TP53AIP1: variants seen among roughly 807,000 people sequenced by gnomAD.
TP53AIP1 encodes the protein p53-regulated apoptosis-inducing protein 1.
Under a neutral mutation model 9.5 loss-of-function variants are expected in TP53AIP1, and 14 were observed. The ratio of observed to expected loss-of-function variants is 1.47; its 90% CI spans 0.97 to 2.30. TP53AIP1 has a LOEUF of 2.30. Among genes scored for constraint, TP53AIP1 ranks in the 30% most tolerant of loss-of-function variants. The pLI is 0.00. For missense variants in TP53AIP1, 153 were observed against 146.7 expected (o/e 1.04, Z -0.22); for synonymous variants, 73 against 61.2 (o/e 1.19, Z -0.90).
rs148410931 is a variant in TP53AIP1, at chr11:128,937,710, T to C, written c.109A>G (p.Asn37Asp). Reference sequence around the variant, plus strand: ...GGTGTGTGTGTCTGAGCCCTGCCATTCGGAGGCATCACCGAGAGGTTCTGG... The same window carrying C: ...GGTGTGTGTGTCTGAGCCCTGCCATCCGGAGGCATCACCGAGAGGTTCTGG... ...GDQNLSVMPPNGRAQTHTPGW... is the reference protein window; with the variant it reads ...GDQNLSVMPPDGRAQTHTPGW... Residue 37 changes from asparagine (N) to aspartate (D), a missense_variant, in exon 2 of 4, where the codon AAT becomes GAT. By Grantham distance (23) the Asn-to-Asp change is conservative (BLOSUM62 1). Transcript: ENST00000531399. This position sits in a 1 kb window ranked among gnomAD's most constrained non-coding sequence, Gnocchi z 4.8. The C allele has an allele frequency of 1.2e-6, 2 of 1,613,940 alleles. No individual in the cohort carries two copies. The highest frequency in any genetic ancestry group is 2.7e-5 in the African/African-American group (2 of 74,896).
chr11:128,942,272 A>G (rs1026700281), intron 1 of TP53AIP1, among the ~76,000 whole-genome samples: 1 of 152,128 alleles, frequency 6.6e-6, no homozygotes, highest in African/African-American at 2.4e-5. Context: ...GATCCATTCA[A>G]AGTGAAGTGG....
At chr11:128,935,307 G>A (rs1161739494), downstream of TP53AIP1, 6 of 1,418,300 alleles carry the variant, frequency 4.2e-6, no homozygotes, top group Non-Finnish European at 5.5e-6. Context: ...GTTTTGTGGA[G>A]ATGCATCGTT....
Position 128,937,830 on chromosome 11 carries a change from CCTGT to C in TP53AIP1, c.-16_-13del. 1 of 1,597,412 alleles carries C rather than the reference CCTGT, an allele frequency of 6.3e-7. No individual in the cohort carries two copies. The highest frequency in any genetic ancestry group is 1.1e-5 in the South Asian group (1 of 89,846). On this transcript the variant is annotated 5_prime_UTR_variant, in exon 2 of 4. Coordinates refer to ENST00000531399, the MANE Select transcript of TP53AIP1 (RefSeq NM_022112.3). This position sits in a 1 kb window ranked among gnomAD's most constrained non-coding sequence, Gnocchi z 4.8. ...GAGGAAGATCCCATCCAGGGGAGGCCCTGTCTGCAGAAAGCAGAGAACTTGGCTT... is the reference window on the plus strand; with the variant it reads ...GAGGAAGATCCCATCCAGGGGAGGCCCTGCAGAAAGCAGAGAACTTGGCTT...
In TP53AIP1 at chr11:128,937,729, G is replaced by C. The variant is rs367595853; in HGVS notation, c.90C>G (p.Asn30Lys). 1.1e-5 allele frequency: 17 copies of C among 1,614,176 alleles called. No homozygotes were observed. Among genetic ancestry groups the C allele is most frequent in the Non-Finnish European group, 1.4e-5 (17 of 1,180,034 alleles). Residue 30 changes from asparagine (N) to lysine (K), a missense_variant, in exon 2 of 4, where the codon AAC (asparagine) becomes AAG (lysine). Physicochemically the swap from Asn to Lys is moderately conservative, Grantham distance 94. Coordinates refer to ENST00000531399, the MANE Select transcript of TP53AIP1 (RefSeq NM_022112.3). The surrounding 1 kb of genome is among the most constrained non-coding windows in gnomAD (Gnocchi z 4.8). ...RRQGLGRGDQ[N>K]LSVMPPNGRA... ...TGCCATTCGGAGGCATCACCGAGAG[G>C]TTCTGGTCTCCCCTGCCCAGGCCCT...
chr11:128,940,321 G>A (rs1944916742), intron 1 of TP53AIP1, among the ~76,000 whole-genome samples: 1 of 152,232 alleles, frequency 6.6e-6, no homozygotes. Context: ...GCAGACATGA[G>A]CACACTTGTC....
intron 1 of TP53AIP1, among the ~76,000 whole-genome samples, chr11:128,938,865 C>T (rs1307236384): frequency 1.3e-5 from 2 of 152,162 alleles, no homozygotes; most frequent in African/African-American, 2.4e-5. Context: ...CTCAGGGCAG[C>T]AGGGAGTGGG....
rs1565332373 is a variant in TP53AIP1, at chr11:128,940,448, G to T, written c.-77+2346C>A. 3.9e-5 allele frequency among the ~76,000 whole-genome samples: 6 copies of T among 152,358 alleles called. No homozygotes were observed. The South Asian group carries it at 1.2e-3, about 32-fold the overall frequency. ...GGGCCTTAAGAGGGGATTAGGCCAT[G>T]AATGGAATCAGGTGTCCTGATGTAG... On this transcript the variant is annotated intron_variant, in intron 1 of 3. Coordinates refer to ENST00000531399, the MANE Select transcript of TP53AIP1 (RefSeq NM_022112.3).
At chr11:128,936,288 C>T in intron 3 of TP53AIP1, 1 of 1,233,310 alleles carries the variant, frequency 8.1e-7, no homozygotes, top group Non-Finnish European at 1.0e-6. Flanking sequence ...CAGTGGGTGT[C>T]AATTAGCTTG....
intron 1 of TP53AIP1, among the ~76,000 whole-genome samples, chr11:128,942,337 C>T (rs892762755): frequency 1.3e-5 from 2 of 152,190 alleles, no homozygotes; most frequent in Non-Finnish European, 2.9e-5. Flanking sequence ...GCCACCATGC[C>T]GCCGTTCACC....
rs1944866300 is a variant in TP53AIP1 at position 128,937,954 on chromosome 11, T to C, written c.-76-60A>G. On this transcript the variant is annotated intron_variant, in intron 1 of 3. Coordinates refer to ENST00000531399, the MANE Select transcript of TP53AIP1 (RefSeq NM_022112.3). The surrounding 1 kb of genome is among the most constrained non-coding windows in gnomAD (Gnocchi z 4.8). ...AGTGGTGGCAGCGCTGGGCCAGCAATGATGATTTCTACTGTTAGGGTTTCA... is the reference window on the plus strand; with the variant it reads ...AGTGGTGGCAGCGCTGGGCCAGCAACGATGATTTCTACTGTTAGGGTTTCA... 11 of 945,764 alleles carry C rather than the reference T, an allele frequency of 1.2e-5. No homozygotes were observed. In the South Asian group the frequency reaches 1.8e-4, roughly 15 times the overall value. The allele number at this position is 945,764 out of a possible 1,614,324, so 58.6% of individuals were successfully genotyped here. A position where few individuals can be genotyped will look rare whatever the true frequency, so the allele number is the denominator to read the frequency against.
At position 128,936,065 on chromosome 11, in the gene TP53AIP1, C is replaced by T. The variant is rs1332382558; in HGVS notation, c.254-353G>A. ...TGTGAGATGGAAGCTATTATCATTC[C>T]ATTTTACAGACACCTACACTGAGAC... is the stretch of plus-strand genomic sequence containing the variant. On this transcript the variant is annotated intron_variant, in intron 3 of 3. Coordinates refer to ENST00000531399, the MANE Select transcript of TP53AIP1 (RefSeq NM_022112.3). The T allele has an allele frequency of 2.2e-5, 17 of 774,406 alleles. No individual in the cohort carries two copies. In the Admixed American group the frequency reaches 8.3e-4, roughly 38 times the overall value. The allele number at this position is 774,406 out of a possible 1,614,324, so 48.0% of individuals were successfully genotyped here.
chr11:128,934,883 T>A (rs764644980), downstream of TP53AIP1: 2 of 648,478 alleles, frequency 3.1e-6, no homozygotes, highest in Middle Eastern at 3.7e-4. Flanking sequence ...TCCTCGGAAG[T>A]GTCATGTAGA....
At chr11:128,938,589 CCAGTCTT>C (rs1441875509) in intron 1 of TP53AIP1, among the ~76,000 whole-genome samples, 1 of 152,188 alleles carries the variant, frequency 6.6e-6, no homozygotes, top group Non-Finnish European at 1.5e-5. Context: ...TCAGGACCAT[CCAGTCTT>C]CCCCGTCCCT....
chr11:128,936,124 C>T, intron 3 of TP53AIP1: 1 of 991,016 alleles, frequency 1.0e-6, no homozygotes. Flanking sequence ...CATGTACACA[C>T]AGCTCCTAAG....
chr11:128,940,508 C>T (rs1944920005), intron 1 of TP53AIP1, among the ~76,000 whole-genome samples: 2 of 152,190 alleles, frequency 1.3e-5, no homozygotes, highest in African/African-American at 4.8e-5. Context: ...ACTCGTTGCC[C>T]TTCCACCTTC....
chr11:128,935,516 T>TTG lies in TP53AIP1; in HGVS notation c.*73_*74dup, dbSNP rs562330779. The stretch of plus-strand genomic sequence containing the variant: ...GCCATTTCTCGACGGTGCTTTCTGT[T>TTG]TGTTTGTTTGTTTTTGTTTTGAGAT... On this transcript the variant is annotated 3_prime_UTR_variant, in exon 4 of 4. Transcript: ENST00000531399. 4.0e-6 allele frequency: 6 copies of TTG among 1,491,670 alleles called. No individual in the cohort carries two copies. The highest frequency in any genetic ancestry group is 4.5e-6 in the Non-Finnish European group (5 of 1,123,252). 92.4% of individuals were successfully genotyped at this position (1,491,670 alleles called of 1,614,324 possible).
At chr11:128,938,619 G>A (rs750082377) in intron 1 of TP53AIP1, among the ~76,000 whole-genome samples, 15 of 152,196 alleles carry the variant, frequency 9.9e-5, no homozygotes, top group Non-Finnish European at 2.2e-4. Flanking sequence ...TCTTTCTCTC[G>A]CAAGTCCCCG....
At position 128,939,134 on chromosome 11, in the gene TP53AIP1, A is replaced by T. The variant is rs982216631; in HGVS notation, c.-76-1240T>A. On this transcript the variant is annotated intron_variant, in intron 1 of 3. Transcript: ENST00000531399. The surrounding 1 kb of genome is among the most constrained non-coding windows in gnomAD (Gnocchi z 4.1). ...AGGCATTTACCCAATGCTGCACGTT[A>T]CGAAAATGTAAAAGAACGAACACGG... Among the ~76,000 whole-genome samples the T allele has an allele frequency of 1.3e-5, 2 of 152,218 alleles. No individual in the cohort carries two copies. Among genetic ancestry groups the T allele is most frequent in the African/African-American group, 4.8e-5 (2 of 41,452 alleles).
chr11:128,935,364 C>T (rs1425315882), downstream of TP53AIP1: 8 of 1,414,118 alleles, frequency 5.7e-6, no homozygotes, highest in Non-Finnish European at 7.3e-6. Flanking sequence ...GCAAACTTCA[C>T]AAGAATTTTT....
Sources: gnomAD v4.1 joint callset for allele counts (sites outside exome capture counted in the v4.1 genomes callset) on GRCh38, gnomAD v4.1.1 for gene constraint, Gnocchi (gnomAD v3.1) non-coding constraint, MANE v1.5 for transcripts, NCBI Gene and HGNC (gene_info 2026-07-23, HGNC 2026-07-21) for gene names.